Variants in LRRC69 observed in about 807,000 individuals in gnomAD.
LRRC69 encodes leucine-rich repeat-containing protein 69.
Under a neutral mutation model 37.8 loss-of-function variants are expected in LRRC69, and 42 were observed. That is an observed-to-expected ratio of 1.11 (90% CI 0.87 to 1.44). The LOEUF (loss-of-function observed/expected upper bound fraction) is 1.44, where lower values mean the gene tolerates loss of function less well. Ranked by LOEUF, LRRC69 falls within the 40% of genes most tolerant of loss-of-function variation. LRRC69 has a pLI of 0.00. For missense variants in LRRC69, 357 were observed against 401.9 expected (o/e 0.89, Z 0.96); for synonymous variants, 141 against 143.1 (o/e 0.99, Z 0.11).
At chr8:91,189,979 T>C (rs1809466320) in intron 6 of LRRC69, among the ~76,000 whole-genome samples, 1 of 152,202 alleles carries the variant, frequency 6.6e-6, no homozygotes, top group Non-Finnish European at 1.5e-5. Context: ...TCTCTATCCC[T>C]AGTGGATGAA....
chr8:91,162,171 A>G lies in LRRC69; in HGVS notation c.651+26432A>G, dbSNP rs752592928. Among the ~76,000 whole-genome samples the G allele has an allele frequency of 2.8e-4, 42 of 151,618 alleles. No individual in the cohort carries two copies. In the Middle Eastern group the frequency reaches 0.014, roughly 49 times the overall value. On this transcript the variant is annotated intron_variant, in intron 5 of 7. Coordinates refer to ENST00000448384, the Ensembl canonical transcript of LRRC69. Reference sequence around the variant, plus strand: ...GTTGAGACTTGTTTTATGTCCTAACATATGGTTTATCCTGGAGAATGTTCC... The same window carrying G: ...GTTGAGACTTGTTTTATGTCCTAACGTATGGTTTATCCTGGAGAATGTTCC...
At chr8:91,198,905 A>G (rs775092928) in intron 6 of LRRC69, among the ~76,000 whole-genome samples, 1 of 152,182 alleles carries the variant, frequency 6.6e-6, no homozygotes, top group Non-Finnish European at 1.5e-5. Context: ...TTAATGGTGT[A>G]TGCTATCCTT....
chr8:91,208,850 T>C (rs886881686), intron 7 of LRRC69, among the ~76,000 whole-genome samples: 15 of 152,166 alleles, frequency 9.9e-5, no homozygotes, highest in African/African-American at 3.6e-4. Flanking sequence ...CTACTTCCCA[T>C]TGGTCATGCT....
intron 5 of LRRC69, among the ~76,000 whole-genome samples, chr8:91,151,129 T>C (rs1808729623): frequency 6.6e-6 from 1 of 151,996 alleles, no homozygotes. Flanking sequence ...TTCTGCTAGC[T>C]TTTGAATGTG....
rs1178740127 is a variant in LRRC69 at position 91,102,676 on chromosome 8, G to T, written c.15G>T (p.Leu5Phe). The T allele has an allele frequency of 9.7e-6, 15 of 1,550,346 alleles. No homozygotes were observed. In the South Asian group the frequency reaches 1.7e-4, roughly 17 times the overall value. ...TTTCCAAGATCATGACTGAGAGATT[G>T]TTAATAAAAGCATTGAGTGGTGGTA... Residue 5 changes from leucine (L) to phenylalanine (F), a missense_variant, in exon 1 of 8, where the codon TTG becomes TTT. By Grantham distance (22) the Leu-to-Phe change is conservative. Transcript: ENST00000448384.
chr8:91,157,669 A>G, intron 5 of LRRC69: 1 of 1,588,878 alleles, frequency 6.3e-7, no homozygotes, highest in South Asian at 1.1e-5. Flanking sequence ...TGAATGCCTT[A>G]CAGCTAGCTG....
chr8:91,178,118 G>A (rs1809266710), intron 5 of LRRC69, among the ~76,000 whole-genome samples: 1 of 152,148 alleles, frequency 6.6e-6, no homozygotes, highest in Non-Finnish European at 1.5e-5. Context: ...AAAGTGCTGG[G>A]ATTACAGGCG....
At chr8:91,212,318 T>C (rs1809943738) in intron 7 of LRRC69, among the ~76,000 whole-genome samples, 1 of 151,864 alleles carries the variant, frequency 6.6e-6, no homozygotes, top group Non-Finnish European at 1.5e-5. Flanking sequence ...TCATTTCTTA[T>C]AGTTTCGTTA....
chr8:91,192,813 A>G (rs4574811), intron 6 of LRRC69, among the ~76,000 whole-genome samples: 61,329 of 144,694 alleles, frequency 0.42, 14,911 homozygotes, highest in South Asian at 0.58. Flanking sequence ...TCACTCTGAT[A>G]GTAGTTTCTT....
intron 5 of LRRC69, chr8:91,138,788 C>T (rs962442806): frequency 1.3e-5 from 2 of 151,870 alleles, no homozygotes; most frequent in Non-Finnish European, 2.9e-5. Context: ...TATGGTGGCT[C>T]ACGGCTGCAA....
intron 3 of LRRC69, 86 bp from the exon 4 acceptor site, chr8:91,133,024 C>T (rs956902752): frequency 2.8e-6 from 2 of 720,814 alleles, no homozygotes; most frequent in Non-Finnish European, 2.1e-6. Flanking sequence ...TAAATTGACA[C>T]ATGGCTTCTG....
chr8:91,192,207 G>T (rs1332009946), intron 6 of LRRC69, among the ~76,000 whole-genome samples: 1 of 152,050 alleles, frequency 6.6e-6, no homozygotes, highest in Non-Finnish European at 1.5e-5. Flanking sequence ...AGTATTCCAT[G>T]GTGTATATGT....
At chr8:91,189,034 A>C (rs1452245122) in intron 5 of LRRC69, among the ~76,000 whole-genome samples, 1 of 152,276 alleles carries the variant, frequency 6.6e-6, no homozygotes, top group East Asian at 1.9e-4. Flanking sequence ...CTAATAAGTT[A>C]TAATGTGAAC....
Position 91,124,594 on chromosome 8 carries a change from C to T in LRRC69, c.285C>T (p.Ile95=), listed in dbSNP as rs535167866. Residue 95 remains isoleucine, a synonymous_variant, in exon 2 of 8, where the codon ATC becomes ATT. Transcript: ENST00000448384. ...ATCTCCATTTATCTGGAAATAGGAT[C>T]TGTAGATTTGCACCTGGAGCCTGTG... 152 of 1,540,486 alleles carry T rather than the reference C, an allele frequency of 9.9e-5. 1 individual carries two copies. The South Asian group carries it at 1.8e-3, about 19-fold the overall frequency.
intron 5 of LRRC69, chr8:91,158,496 A>C: frequency 1.8e-6 from 2 of 1,127,570 alleles, no homozygotes; most frequent in South Asian, 2.5e-5. Flanking sequence ...CTCACAATGC[A>C]CATGGGAGAT....
chr8:91,138,172 G>T (rs1461690880), intron 5 of LRRC69, among the ~76,000 whole-genome samples: 1 of 151,842 alleles, frequency 6.6e-6, no homozygotes, highest in Non-Finnish European at 1.5e-5. Flanking sequence ...ATTATATGTT[G>T]TGTATAAAAT....
rs184227688 is a variant in LRRC69, at chr8:91,185,786, C to G, written c.652-3736C>G. 2.3e-3 allele frequency among the ~76,000 whole-genome samples: 348 copies of G among 151,868 alleles called. 1 individual carries two copies. The highest frequency in any genetic ancestry group is 0.02 in the Admixed American group (305 of 15,256). On this transcript the variant is annotated intron_variant, in intron 5 of 7. Coordinates refer to ENST00000448384, the Ensembl canonical transcript of LRRC69. ...CCCCTCCTTGAAACTTGACCTTAAG[C>G]CTATTTAGAAATCCCAGTTCTCACT...
At chr8:91,173,942 A>C (rs924217113) in intron 5 of LRRC69, among the ~76,000 whole-genome samples, 3 of 138,992 alleles carry the variant, frequency 2.2e-5, no homozygotes, top group African/African-American at 7.7e-5. Context: ...TGAAAAAAAA[A>C]GAAGAAAAAA....
chr8:91,153,002 C>A (rs1808768196), intron 5 of LRRC69, among the ~76,000 whole-genome samples: 2 of 151,224 alleles, frequency 1.3e-5, no homozygotes, highest in African/African-American at 2.4e-5. Context: ...CCAAGATACA[C>A]ATAGGCTCAA....
Sources: gnomAD v4.1 joint callset for allele counts (sites outside exome capture counted in the v4.1 genomes callset) on GRCh38, gnomAD v4.1.1 for gene constraint, MANE v1.5 for transcripts, NCBI Gene and HGNC (gene_info 2026-07-23, HGNC 2026-07-21) for gene names.